The following GABRG2 variants were observed in gnomAD, a reference collection of about 807,000 sequenced individuals.
GABRG2 encodes gamma-aminobutyric acid type A receptor subunit gamma2.
In GABRG2, 16 loss-of-function variants were observed where a neutral mutation model predicts 56.4. That is an observed-to-expected ratio of 0.28 (90% CI 0.19 to 0.43). The LOEUF (loss-of-function observed/expected upper bound fraction) is 0.43, where lower values mean the gene tolerates loss of function less well. GABRG2 is among the 20% of genes least tolerant of loss of function. The probability of loss-of-function intolerance (pLI) is 1.00; values close to 1 mark genes in which losing one functional copy is unlikely to be tolerated. For synonymous variants in GABRG2, 208 were observed against 205.5 expected (o/e 1.01, Z -0.10); for missense variants, 327 against 582.7 (o/e 0.56, Z 4.52).
chr5:162,094,737 A>G (rs1274064410), intron 2 of GABRG2: 1 of 152,322 alleles, frequency 6.6e-6, no homozygotes, highest in Non-Finnish European at 1.5e-5. Flanking sequence ...GTGAGTTAGG[A>G]CATGACACTT....
chr5:162,103,921 T>C lies in GABRG2; in HGVS notation c.664T>C (p.Trp222Arg). 6.2e-7 allele frequency: 1 copy of C among 1,614,034 alleles called. No individual in the cohort carries two copies. The highest frequency in any genetic ancestry group is 2.2e-5 in the East Asian group (1 of 44,838). ...TCCACGTGAAGAAATTGTTTATCAA[T>C]GGAAGCGAAGTTCTGTTGAAGTGGG... ...GYPREEIVYQ[W>R]KRSSVEVGDT... The change falls in exon 6 of 10, where the codon TGG (tryptophan) becomes CGG (arginine). Residue 222 changes from tryptophan (W) to arginine (R), a missense_variant. Physicochemically the swap from Trp to Arg is moderately radical, Grantham distance 101. Transcript: ENST00000639213.
chr5:162,151,623 T>G lies in GABRG2; in HGVS notation c.1129-107T>G. ...TTCAGTTCATTTCACTTACTGTGTT[T>G]TCAAAATGTATTTTTAATTTATCTT... On this transcript the variant is annotated intron_variant, in intron 8 of 9. Transcript: ENST00000639213. 4 of 992,114 alleles carry G rather than the reference T, an allele frequency of 4.0e-6. No homozygotes were observed. In the South Asian group the frequency reaches 5.8e-5, roughly 14 times the overall value. The allele number at this position is 992,114 out of a possible 1,614,324, so 61.5% of individuals were successfully genotyped here.
chr5:162,120,308 A>G (rs1487520000), intron 6 of GABRG2, among the ~76,000 whole-genome samples: 1 of 152,140 alleles, frequency 6.6e-6, no homozygotes, highest in Admixed American at 6.6e-5. Flanking sequence ...TGTGTCCAAC[A>G]ATTCCATCTT....
chr5:162,096,928 T>C (rs964296120), intron 3 of GABRG2, among the ~76,000 whole-genome samples: 1 of 152,050 alleles, frequency 6.6e-6, no homozygotes, highest in African/African-American at 2.4e-5. Flanking sequence ...AAGTAAATAG[T>C]GTAAGTAAAT....
intron 9 of GABRG2, 83 bp from the exon 10 acceptor site, chr5:162,153,010 A>C: frequency 6.7e-7 from 1 of 1,501,804 alleles, no homozygotes; most frequent in South Asian, 1.1e-5. Flanking sequence ...ATTCATCATC[A>C]CATTGGTGAC....
chr5:162,069,796 AT>A (rs1445043778), intron 1 of GABRG2, among the ~76,000 whole-genome samples: 6 of 152,198 alleles, frequency 3.9e-5, no homozygotes, highest in African/African-American at 1.4e-4. Flanking sequence ...CAAAATTTGA[AT>A]TCATTTTTAT....
At chr5:162,099,237 G>A (rs542605711) in intron 4 of GABRG2, 1 of 151,968 alleles carries the variant, frequency 6.6e-6, no homozygotes, top group East Asian at 1.9e-4. Flanking sequence ...TGTAAACTTA[G>A]AGATATAGTA....
At chr5:162,118,204 G>GGTGTGTGTGTGTGTGT (rs3079259) in intron 6 of GABRG2, among the ~76,000 whole-genome samples, 5 of 146,082 alleles carry the variant, frequency 3.4e-5, no homozygotes, top group African/African-American at 1.3e-4. Context: ...AGGTTCTGAT[G>GGTGTGTGTGTGTGTGT]GTGTGTGTGT....
chr5:162,136,007 G>T (rs371258858), intron 6 of GABRG2, among the ~76,000 whole-genome samples: 6 of 152,176 alleles, frequency 3.9e-5, no homozygotes, highest in African/African-American at 1.4e-4. Context: ...GGCATGATCA[G>T]AGGGTAGAGA....
intron 6 of GABRG2, among the ~76,000 whole-genome samples, chr5:162,106,464 T>G (rs1262876460): frequency 6.6e-6 from 1 of 152,194 alleles, no homozygotes; most frequent in Non-Finnish European, 1.5e-5. Flanking sequence ...GACAGCTGAT[T>G]TTTTTAATGA....
At chr5:162,134,283 G>T (rs529553081) in intron 6 of GABRG2, among the ~76,000 whole-genome samples, 1 of 151,972 alleles carries the variant, frequency 6.6e-6, no homozygotes, top group Non-Finnish European at 1.5e-5. Flanking sequence ...GGATAGAATT[G>T]GTTGGTATAG....
At chr5:162,109,267 A>G (rs1298691580) in intron 6 of GABRG2, among the ~76,000 whole-genome samples, 1 of 151,698 alleles carries the variant, frequency 6.6e-6, no homozygotes, top group Non-Finnish European at 1.5e-5. Flanking sequence ...GGAGAGGGAT[A>G]GCATTAGGAA....
At chr5:162,080,792 T>C (rs1182990298) in intron 1 of GABRG2, among the ~76,000 whole-genome samples, 4 of 152,166 alleles carry the variant, frequency 2.6e-5, no homozygotes, top group African/African-American at 4.8e-5. Flanking sequence ...TTGTTCTACA[T>C]CCTACTGCAA....
chr5:162,109,388 TAATATATA>T (rs1347455693), intron 6 of GABRG2, among the ~76,000 whole-genome samples: 1,632 of 39,164 alleles, frequency 0.042, 65 homozygotes, highest in African/African-American at 0.14. Flanking sequence ...ACTTAAAGTA[TAATATATA>T]TATATATATA....
chr5:162,116,206 G>A (rs1325681698), intron 6 of GABRG2, among the ~76,000 whole-genome samples: 1 of 150,202 alleles, frequency 6.7e-6, no homozygotes, highest in Non-Finnish European at 1.5e-5. Context: ...TTATGTTCCT[G>A]TTATTGTTTT....
At chr5:162,091,055 TCAG>T (rs1043411305) in intron 1 of GABRG2, among the ~76,000 whole-genome samples, 1 of 152,168 alleles carries the variant, frequency 6.6e-6, no homozygotes, top group Non-Finnish European at 1.5e-5. Flanking sequence ...AGGTTATGCA[TCAG>T]CTCCTTTAAT....
intron 3 of GABRG2, among the ~76,000 whole-genome samples, chr5:162,096,521 C>G (rs1761007605): frequency 6.6e-6 from 1 of 152,098 alleles, no homozygotes; most frequent in Non-Finnish European, 1.5e-5. Context: ...TGGCACATCA[C>G]TAATTGGTTG....
chr5:162,152,639 G>T (rs953036051), intron 9 of GABRG2: 5 of 282,428 alleles, frequency 1.8e-5, no homozygotes, highest in South Asian at 8.7e-5. Context: ...TAATACATTT[G>T]CTCAGAGTAA....
chr5:162,151,523 G>C, intron 8 of GABRG2: 1 of 505,738 alleles, frequency 2.0e-6, no homozygotes, highest in East Asian at 3.2e-5. Flanking sequence ...AATTTCACTA[G>C]TAATTACAAA....
Sources: gnomAD v4.1 joint callset for allele counts (sites outside exome capture counted in the v4.1 genomes callset) on GRCh38, gnomAD v4.1.1 for gene constraint, MANE v1.5 for transcripts, NCBI Gene and HGNC (gene_info 2026-07-23, HGNC 2026-07-21) for gene names.